Variants in TENM3 observed in about 807,000 individuals in gnomAD.
The protein encoded by TENM3 is teneurin-3.
Under a neutral mutation model 255.1 loss-of-function variants are expected in TENM3, and 63 were observed. That is an observed-to-expected ratio of 0.25 (90% CI 0.20 to 0.30). The LOEUF is 0.30. TENM3 is among the 10% of genes least tolerant of loss of function. The probability of loss-of-function intolerance (pLI) is 1.00; values close to 1 mark genes in which losing one functional copy is unlikely to be tolerated. For synonymous variants in TENM3, 1,306 were observed against 1,322.3 expected (o/e 0.99, Z 0.27); for missense variants, 2,929 against 3,461.1 (o/e 0.85, Z 3.86).
At chr4:182,797,320 T>C (rs1766566270) in intron 27 of TENM3, among the ~76,000 whole-genome samples, 1 of 151,902 alleles carries the variant, frequency 6.6e-6, no homozygotes, top group South Asian at 2.1e-4. Flanking sequence ...ATGCCTGTTA[T>C]CCCAGCTACT....
the TENM3 span, among the ~76,000 whole-genome samples, chr4:181,778,410 C>G: frequency 6.6e-6 from 1 of 152,068 alleles, no homozygotes; most frequent in South Asian, 2.1e-4. Flanking sequence ...ATAGAAGCAT[C>G]CGCTTCTTTG....
the TENM3 span, among the ~76,000 whole-genome samples, chr4:181,951,156 A>T: frequency 4.6e-5 from 7 of 152,196 alleles, no homozygotes; most frequent in Non-Finnish European, 7.3e-5. Flanking sequence ...TTAATTTCCC[A>T]CATTGGATGC....
intron 3 of TENM3, among the ~76,000 whole-genome samples, chr4:182,389,830 C>T (rs1312406330): frequency 1.3e-5 from 2 of 152,082 alleles, no homozygotes; most frequent in East Asian, 1.9e-4. Flanking sequence ...GGACTACAGG[C>T]GCCCGCCACC....
chr4:181,465,448 C>A, the TENM3 span, among the ~76,000 whole-genome samples: 1 of 152,108 alleles, frequency 6.6e-6, no homozygotes, highest in Admixed American at 6.5e-5. Context: ...TTAGAAATTA[C>A]CTTTGTGTTG....
intron 3 of TENM3, among the ~76,000 whole-genome samples, chr4:182,480,091 G>T (rs1356757973): frequency 6.6e-6 from 1 of 151,948 alleles, no homozygotes; most frequent in African/African-American, 2.4e-5. Flanking sequence ...TGTATCAACA[G>T]TATTCTGTTT....
chr4:182,644,515 A>C (rs1752571027), intron 5 of TENM3, among the ~76,000 whole-genome samples: 1 of 152,130 alleles, frequency 6.6e-6, no homozygotes, highest in African/African-American at 2.4e-5. Flanking sequence ...GGAGGAGGTG[A>C]AATAACTATA....
At chr4:182,779,623 G>A (rs1275586810) in intron 24 of TENM3, among the ~76,000 whole-genome samples, 9 of 152,156 alleles carry the variant, frequency 5.9e-5, no homozygotes, top group African/African-American at 1.9e-4. Context: ...AGAACCCTGA[G>A]GAATCGCCAC....
At chr4:181,813,454 A>G in the TENM3 span, among the ~76,000 whole-genome samples, 2 of 152,316 alleles carry the variant, frequency 1.3e-5, no homozygotes, top group Admixed American at 6.5e-5. Context: ...AACATCTCCA[A>G]TAGGTTGTTT....
chr4:182,459,272 G>A (rs1774142353), intron 3 of TENM3, among the ~76,000 whole-genome samples: 1 of 151,872 alleles, frequency 6.6e-6, no homozygotes, highest in African/African-American at 2.4e-5. Context: ...GTATTATATT[G>A]AGAAATGACT....
the TENM3 span, among the ~76,000 whole-genome samples, chr4:182,027,166 G>A: frequency 3.3e-5 from 5 of 151,828 alleles, no homozygotes; most frequent in South Asian, 1.0e-3. Flanking sequence ...ATCTTCTTAG[G>A]TATTTAATTT....
At chr4:181,902,211 A>G in the TENM3 span, among the ~76,000 whole-genome samples, 3 of 151,960 alleles carry the variant, frequency 2.0e-5, no homozygotes, top group Admixed American at 2.0e-4. Context: ...CCCTATTAAA[A>G]GAGCAGAAAA....
At chr4:182,673,262 T>G in intron 7 of TENM3, 43 bp downstream of exon 7, 1 of 1,362,294 alleles carries the variant, frequency 7.3e-7, no homozygotes, top group Non-Finnish European at 1.0e-6. Flanking sequence ...AACTGCCAGT[T>G]GCATTTTTTG....
chr4:182,535,976 A>G (rs1055920052), intron 3 of TENM3, among the ~76,000 whole-genome samples: 1 of 152,018 alleles, frequency 6.6e-6, no homozygotes, highest in Admixed American at 6.6e-5. Context: ...TTATATTTAG[A>G]TTATCTATTT....
the TENM3 span, among the ~76,000 whole-genome samples, chr4:181,755,473 T>G: frequency 1.3e-5 from 2 of 151,984 alleles, no homozygotes; most frequent in South Asian, 4.1e-4. Flanking sequence ...TTGTCAAACT[T>G]CTTAAAAGGA....
intron 3 of TENM3, among the ~76,000 whole-genome samples, chr4:182,381,363 A>G (rs1374638598): frequency 1.3e-5 from 2 of 152,172 alleles, no homozygotes; most frequent in African/African-American, 2.4e-5. Flanking sequence ...GGAAAAAAAG[A>G]CTCAGGATGT....
the TENM3 span, among the ~76,000 whole-genome samples, chr4:181,559,785 G>A: frequency 0.58 from 88,903 of 152,054 alleles, 26,360 homozygotes; most frequent in Middle Eastern, 0.65. Flanking sequence ...GCACTCAGCC[G>A]CATACCAGCC....
chr4:181,774,022 T>TA, the TENM3 span, among the ~76,000 whole-genome samples: 1 of 131,912 alleles, frequency 7.6e-6, no homozygotes, highest in Non-Finnish European at 1.6e-5. Flanking sequence ...TTTTTTTTTT[T>TA]TTTTTTATTA....
At chr4:181,518,496 C>T in the TENM3 span, among the ~76,000 whole-genome samples, 16 of 152,174 alleles carry the variant, frequency 1.1e-4, no homozygotes, top group African/African-American at 3.4e-4. Context: ...GGCGTGATCT[C>T]GGCTCACTGC....
At chr4:181,534,463 T>TC in the TENM3 span, among the ~76,000 whole-genome samples, 27 of 102,474 alleles carry the variant, frequency 2.6e-4, no homozygotes, top group African/African-American at 3.3e-4. Flanking sequence ...TTCCCTGAGG[T>TC]CTTCCCCCCC....
Sources: gnomAD v4.1 joint callset for allele counts (sites outside exome capture counted in the v4.1 genomes callset) on GRCh38, gnomAD v4.1.1 for gene constraint, MANE v1.5 for transcripts, NCBI Gene and HGNC (gene_info 2026-07-23, HGNC 2026-07-21) for gene names.